The following SH3GL2 variants were observed in gnomAD, a reference collection of about 807,000 sequenced individuals.
The protein encoded by SH3GL2 is SH3 domain containing GRB2 like 2, endophilin A1.
A neutral mutation model predicts 46.0 loss-of-function variants in SH3GL2; 24 were observed. That is an observed-to-expected ratio of 0.52 (90% CI 0.38 to 0.73). The LOEUF (loss-of-function observed/expected upper bound fraction) is 0.73. Ranked by LOEUF, SH3GL2 falls within the 30% of genes least tolerant of loss-of-function variation. The pLI, the probability that SH3GL2 is intolerant of heterozygous loss-of-function variation, is 0.00. For missense variants in SH3GL2, 413 were observed against 424.2 expected, an observed-to-expected ratio of 0.97 and a Z score of 0.23; for synonymous variants, 196 against 147.1, an observed-to-expected ratio of 1.33 and a Z score of -2.40.
chr9:17,789,132 C>G (rs894577565), intron 5 of SH3GL2, among the ~76,000 whole-genome samples: 4 of 152,210 alleles, frequency 2.6e-5, no homozygotes, highest in Admixed American at 6.5e-5. Flanking sequence ...TTTGGCCTGA[C>G]AAGGCCAGAA....
chr9:17,761,332 C>A (rs1302022522), intron 2 of SH3GL2, 105 bp from the exon 3 acceptor site: 2 of 742,594 alleles, frequency 2.7e-6, no homozygotes, highest in Admixed American at 3.8e-5. Flanking sequence ...GGGACTTGTC[C>A]GGGGCTCTGT....
chr9:17,675,077 G>T (rs564056072), intron 1 of SH3GL2, among the ~76,000 whole-genome samples: 3 of 152,164 alleles, frequency 2.0e-5, no homozygotes, highest in Non-Finnish European at 2.9e-5. Context: ...CTGAATTGAC[G>T]TCTCTACTTT....
chr9:17,709,702 C>T (rs2118260399), intron 1 of SH3GL2, among the ~76,000 whole-genome samples: 1 of 151,816 alleles, frequency 6.6e-6, no homozygotes, highest in South Asian at 2.1e-4. Flanking sequence ...CACACACACA[C>T]ACACACACAC....
At chr9:17,652,027 T>G (rs1819970855) in intron 1 of SH3GL2, among the ~76,000 whole-genome samples, 1 of 152,166 alleles carries the variant, frequency 6.6e-6, no homozygotes, top group Admixed American at 6.6e-5. Context: ...TCAGTCTGAG[T>G]GATGAATTGA....
chr9:17,718,696 C>T (rs1444783811), intron 1 of SH3GL2, among the ~76,000 whole-genome samples: 1 of 152,152 alleles, frequency 6.6e-6, no homozygotes, highest in Non-Finnish European at 1.5e-5. Context: ...TGCCACTGCA[C>T]TCCAGCCTGG....
At chr9:17,621,025 G>T (rs1251229648) in intron 1 of SH3GL2, among the ~76,000 whole-genome samples, 2 of 152,176 alleles carry the variant, frequency 1.3e-5, no homozygotes, top group African/African-American at 4.8e-5. Flanking sequence ...AGCGTTTAAA[G>T]ATGTTGACAG....
At chr9:17,600,568 A>C (rs1033278474) in intron 1 of SH3GL2, among the ~76,000 whole-genome samples, 1 of 152,210 alleles carries the variant, frequency 6.6e-6, no homozygotes, top group Non-Finnish European at 1.5e-5. Flanking sequence ...AATGTTGCTG[A>C]TGATATATTT....
intron 1 of SH3GL2, among the ~76,000 whole-genome samples, chr9:17,683,639 C>T (rs574101094): frequency 6.6e-6 from 1 of 152,180 alleles, no homozygotes; most frequent in African/African-American, 2.4e-5. Flanking sequence ...TGAACCAGAA[C>T]AAGAGAATAC....
intron 1 of SH3GL2, among the ~76,000 whole-genome samples, chr9:17,701,166 A>C (rs1360742376): frequency 6.6e-6 from 1 of 152,214 alleles, no homozygotes; most frequent in Non-Finnish European, 1.5e-5. Context: ...CTGGTTTCTG[A>C]ATAAACATTG....
In SH3GL2 at chr9:17,610,217, G is replaced by A. The variant is rs1487273542; in HGVS notation, c.45+30930G>A. On this transcript the variant is annotated intron_variant, in intron 1 of 8. Coordinates refer to ENST00000380607, the MANE Select transcript of SH3GL2 (RefSeq NM_003026.5). Reference sequence around the variant, plus strand: ...AGCAAAATGCACATAAGTGTCTGGCGTAGAGTAAGTGATAGCTTCCTTTCT... The same window carrying A: ...AGCAAAATGCACATAAGTGTCTGGCATAGAGTAAGTGATAGCTTCCTTTCT... Among the ~76,000 whole-genome samples the A allele has an allele frequency of 3.9e-5, 6 of 152,266 alleles. No homozygotes were observed. The East Asian group carries it at 9.7e-4, about 25-fold the overall frequency.
At chr9:17,690,751 C>T (rs1221743362) in intron 1 of SH3GL2, among the ~76,000 whole-genome samples, 2 of 152,080 alleles carry the variant, frequency 1.3e-5, no homozygotes, top group African/African-American at 4.8e-5. Flanking sequence ...CTAGGGGCAC[C>T]TATGTGAATA....
intron 3 of SH3GL2, among the ~76,000 whole-genome samples, chr9:17,772,708 T>G (rs1588321890): frequency 6.6e-6 from 1 of 152,210 alleles, no homozygotes; most frequent in East Asian, 1.9e-4. Flanking sequence ...TATTCTGTTG[T>G]GTGTAAATAG....
At chr9:17,737,819 AAC>A (rs1353656496) in intron 1 of SH3GL2, among the ~76,000 whole-genome samples, 6 of 152,216 alleles carry the variant, frequency 3.9e-5, no homozygotes, top group Admixed American at 2.6e-4. Context: ...GAGCTCTGGC[AAC>A]ACACTCTCCT....
intron 1 of SH3GL2, among the ~76,000 whole-genome samples, chr9:17,720,352 T>C (rs988531818): frequency 1.3e-5 from 2 of 152,142 alleles, no homozygotes; most frequent in African/African-American, 4.8e-5. Flanking sequence ...GAGCAAAGAA[T>C]GATTCGCAAA....
chr9:17,750,481 C>T (rs1822811935), intron 2 of SH3GL2, among the ~76,000 whole-genome samples: 1 of 152,112 alleles, frequency 6.6e-6, no homozygotes, highest in Non-Finnish European at 1.5e-5. Flanking sequence ...CTGCAGCCCT[C>T]CTCTCCCTGA....
intron 1 of SH3GL2, among the ~76,000 whole-genome samples, chr9:17,636,756 T>A (rs2224451): frequency 0.9 from 137,549 of 152,230 alleles, 63,675 homozygotes; most frequent in East Asian, 1. Context: ...GTGTCCACTG[T>A]ACGTACTACT....
At position 17,728,476 on chromosome 9, in the gene SH3GL2, A is replaced by T. The variant is rs138194554; in HGVS notation, c.46-18590A>T. 5.4e-3 allele frequency among the ~76,000 whole-genome samples: 824 copies of T among 152,030 alleles called. 12 individuals are homozygous for T. Among genetic ancestry groups the T allele is most frequent in the African/African-American group, 0.019 (773 of 41,518 alleles). ...AATTTTTAAAATTATTTATGTATGTATGTATTTATTTTTATTATACTTTAA... is the reference window on the plus strand; with the variant it reads ...AATTTTTAAAATTATTTATGTATGTTTGTATTTATTTTTATTATACTTTAA... On this transcript the variant is annotated intron_variant, in intron 1 of 8. Transcript: ENST00000380607.
At chr9:17,684,139 A>G (rs1223454171) in intron 1 of SH3GL2, among the ~76,000 whole-genome samples, 3 of 152,164 alleles carry the variant, frequency 2.0e-5, no homozygotes, top group East Asian at 1.9e-4. Context: ...TGTTAGAACT[A>G]TCAGAGAATT....
At chr9:17,613,792 G>GC (rs1818921175) in intron 1 of SH3GL2, among the ~76,000 whole-genome samples, 1 of 152,144 alleles carries the variant, frequency 6.6e-6, no homozygotes, top group Non-Finnish European at 1.5e-5. Flanking sequence ...TTTGACTATG[G>GC]CACACGGACA....
Sources: gnomAD v4.1 joint callset for allele counts (sites outside exome capture counted in the v4.1 genomes callset) on GRCh38, gnomAD v4.1.1 for gene constraint, MANE v1.5 for transcripts, NCBI Gene and HGNC (gene_info 2026-07-23, HGNC 2026-07-21) for gene names.